SGIP1: variants seen among roughly 807,000 people sequenced by gnomAD.
SGIP1 encodes SH3-containing GRB2-like protein 3-interacting protein 1.
Under a neutral mutation model 107.5 loss-of-function variants are expected in SGIP1, and 38 were observed. The ratio of observed to expected loss-of-function variants is 0.35; its 90% CI spans 0.27 to 0.46. The LOEUF is 0.46. SGIP1 is among the 20% of genes least tolerant of loss of function. The pLI is 1.00. For missense variants in SGIP1, 929 were observed against 1,019.5 expected (o/e 0.91, Z 1.21); for synonymous variants, 365 against 366.1 (o/e 1.00, Z 0.03).
chr1:66,594,254 C>T (rs953862311), intron 1 of SGIP1, among the ~76,000 whole-genome samples: 1 of 152,132 alleles, frequency 6.6e-6, no homozygotes, highest in East Asian at 1.9e-4. Context: ...AAATTCTTAA[C>T]ACTTATTTAG....
intron 15 of SGIP1, among the ~76,000 whole-genome samples, chr1:66,685,167 T>C (rs1229792340): frequency 6.6e-6 from 1 of 152,224 alleles, no homozygotes; most frequent in Non-Finnish European, 1.5e-5. Flanking sequence ...TTAGGCCTGA[T>C]TAAACTAACT....
intron 7 of SGIP1, among the ~76,000 whole-genome samples, chr1:66,658,968 C>T (rs114880274): frequency 2.2e-3 from 339 of 152,124 alleles, no homozygotes; most frequent in African/African-American, 7.6e-3. Context: ...GACAGGGAAG[C>T]GTGTAAGTGC....
rs950353825 is a variant in SGIP1, at chr1:66,585,146, G to T, written c.11-40701G>T. On this transcript the variant is annotated intron_variant, in intron 1 of 24. Transcript: ENST00000371037. ...GTGCCTTTACCTCTGGTCACAGGAT[G>T]ATTTTCTATCTTGGCTGGAGGCCTT... is the stretch of plus-strand genomic sequence containing the variant. Among the ~76,000 whole-genome samples, 3 of 152,154 alleles carry T rather than the reference G, an allele frequency of 2.0e-5. No individual in the cohort carries two copies. The South Asian group carries it at 6.2e-4, about 32-fold the overall frequency.
chr1:66,679,272 G>A (rs901330025), intron 13 of SGIP1, among the ~76,000 whole-genome samples: 16 of 152,038 alleles, frequency 1.1e-4, no homozygotes, highest in East Asian at 3.9e-4. Context: ...TCAAACCCTC[G>A]ACTGTAACTG....
chr1:66,596,059 C>A (rs1458275734), intron 1 of SGIP1, among the ~76,000 whole-genome samples: 2 of 151,632 alleles, frequency 1.3e-5, no homozygotes, highest in African/African-American at 4.9e-5. Flanking sequence ...CAAACCTACA[C>A]AAGTGCACAA....
At chr1:66,554,135 C>T (rs958470305) in intron 1 of SGIP1, among the ~76,000 whole-genome samples, 1 of 152,090 alleles carries the variant, frequency 6.6e-6, no homozygotes, top group Non-Finnish European at 1.5e-5. Flanking sequence ...AACACAGCTC[C>T]AAGAATTTTC....
At chr1:66,612,854 A>G (rs571985652) in intron 1 of SGIP1, among the ~76,000 whole-genome samples, 15 of 152,358 alleles carry the variant, frequency 9.8e-5, no homozygotes, top group African/African-American at 1.9e-4. Flanking sequence ...GATTGTCAAC[A>G]TTGGTATATT....
chr1:66,634,039 G>T, intron 3 of SGIP1: 2 of 1,513,568 alleles, frequency 1.3e-6, no homozygotes, highest in African/African-American at 1.4e-5. Context: ...GACTGAAATT[G>T]ATCAGACATT....
chr1:66,728,549 C>A (rs888551230), intron 19 of SGIP1, among the ~76,000 whole-genome samples: 1 of 152,100 alleles, frequency 6.6e-6, no homozygotes, highest in African/African-American at 2.4e-5. Context: ...TGTGGTGATT[C>A]CTCAAAGAAC....
At chr1:66,717,854 T>C (rs2093331244) in intron 18 of SGIP1, among the ~76,000 whole-genome samples, 1 of 152,156 alleles carries the variant, frequency 6.6e-6, no homozygotes, top group Admixed American at 6.6e-5. Context: ...CAAATAATGT[T>C]AATGGAGGTC....
At chr1:66,660,441 G>A (rs1425930593) in intron 7 of SGIP1, 72 bp from the exon 8 acceptor site, 17 of 1,447,450 alleles carry the variant, frequency 1.2e-5, no homozygotes, top group Non-Finnish European at 1.7e-5. Context: ...ACCTTGACCT[G>A]TTTCTTCTTG....
intron 17 of SGIP1, chr1:66,695,165 G>A: frequency 1.7e-6 from 1 of 595,068 alleles, no homozygotes; most frequent in Non-Finnish European, 2.8e-6. Context: ...TCTGCTCCAT[G>A]CACACAAGCA....
chr1:66,600,108 T>C (rs1171615022), intron 1 of SGIP1, among the ~76,000 whole-genome samples: 1 of 152,234 alleles, frequency 6.6e-6, no homozygotes, highest in Non-Finnish European at 1.5e-5. Flanking sequence ...GCTTTGCCTT[T>C]GTTCAGTGGC....
At chr1:66,670,697 T>C (rs1397313237) in intron 9 of SGIP1, among the ~76,000 whole-genome samples, 1 of 152,210 alleles carries the variant, frequency 6.6e-6, no homozygotes, top group African/African-American at 2.4e-5. Flanking sequence ...AGAGGTTTTT[T>C]TTAATGGACT....
chr1:66,575,590 A>G (rs2060951701), intron 1 of SGIP1, among the ~76,000 whole-genome samples: 2 of 152,188 alleles, frequency 1.3e-5, no homozygotes, highest in Non-Finnish European at 2.9e-5. Context: ...TCTTCAGGAA[A>G]GTCATGCTGG....
At chr1:66,534,095 G>T, upstream of SGIP1, 1 of 571,472 alleles carries the variant, frequency 1.7e-6, no homozygotes, top group Non-Finnish European at 3.1e-6. Context: ...GGGATTGGCC[G>T]AGGCAGCGCA....
Position 66,660,644 on chromosome 1 carries a change from A to T in SGIP1, c.471+120A>T, listed in dbSNP as rs77470885. On this transcript the variant is annotated intron_variant, in intron 8 of 24. Coordinates refer to ENST00000371037, the MANE Select transcript of SGIP1 (RefSeq NM_032291.4). The stretch of plus-strand genomic sequence containing the variant: ...CTAAACAAGGTTTTGAACTTTAAAA[A>T]CAAATCTTTGCGAACCATGACCAGG... 2,084 of 996,916 alleles carry T rather than the reference A, an allele frequency of 2.1e-3. 26 individuals are homozygous for T. The African/African-American group carries it at 0.03, about 14-fold the overall frequency. The allele number at this position is 996,916 out of a possible 1,614,324, so 61.8% of individuals were successfully genotyped here.
intron 1 of SGIP1, among the ~76,000 whole-genome samples, chr1:66,541,480 C>G (rs1205157593): frequency 6.6e-6 from 1 of 152,210 alleles, no homozygotes; most frequent in Non-Finnish European, 1.5e-5. Context: ...CCATTCCAAG[C>G]CCAAAGTTAC....
At chr1:66,714,937 A>G (rs895761913) in intron 18 of SGIP1, among the ~76,000 whole-genome samples, 3 of 152,126 alleles carry the variant, frequency 2.0e-5, no homozygotes, top group Non-Finnish European at 2.9e-5. Flanking sequence ...CAATAATGCT[A>G]CTAAACAAAA....
Sources: allele counts gnomAD v4.1 joint callset (sites outside exome capture counted in the v4.1 genomes callset), GRCh38; gene constraint gnomAD v4.1.1; transcripts MANE v1.5; gene names NCBI Gene and HGNC (gene_info 2026-07-23, HGNC 2026-07-21).